The following EFCAB5 variants were observed in gnomAD, a reference collection of about 807,000 sequenced individuals.
EFCAB5 encodes the protein EF-hand calcium binding domain 5, also known as EF-hand calcium-binding domain-containing protein 5.
A neutral mutation model predicts 167.9 loss-of-function variants in EFCAB5; 131 were observed. That is an observed-to-expected ratio of 0.78 (90% CI 0.68 to 0.90). The LOEUF (loss-of-function observed/expected upper bound fraction) is 0.90, where lower values mean the gene tolerates loss of function less well. Among genes scored for constraint, EFCAB5 ranks in the 40% least tolerant of loss-of-function variants. EFCAB5 has a pLI of 0.00. For missense variants in EFCAB5, 1,663 were observed against 1,745.2 expected (o/e 0.95, Z 0.84); for synonymous variants, 574 against 602.8 (o/e 0.95, Z 0.70).
intron 9 of EFCAB5, among the ~76,000 whole-genome samples, chr17:30,052,187 CAG>C (rs1189677713): frequency 6.6e-6 from 1 of 151,826 alleles, no homozygotes; most frequent in Admixed American, 6.6e-5. Context: ...TTTTTTGAGA[CAG>C]AGTCTCGCTC....
chr17:29,962,234 G>A (rs1468358001), intron 3 of EFCAB5, among the ~76,000 whole-genome samples: 1 of 151,976 alleles, frequency 6.6e-6, no homozygotes, highest in African/African-American at 2.4e-5. Context: ...AAAGACTATT[G>A]GAATTTTGAT....
intron 22 of EFCAB5, among the ~76,000 whole-genome samples, chr17:30,102,126 A>G (rs570952951): frequency 6.7e-6 from 1 of 148,842 alleles, no homozygotes; most frequent in Non-Finnish European, 1.5e-5. Context: ...GTGTGCTGGT[A>G]GAAGTCTACG....
chr17:30,038,365 T>C (rs1246207731), intron 8 of EFCAB5, among the ~76,000 whole-genome samples: 4 of 152,204 alleles, frequency 2.6e-5, no homozygotes, highest in South Asian at 2.1e-4. Context: ...ACAGTAGATA[T>C]GTTTGTGGCA....
At chr17:29,985,690 G>T (rs2068266790) in intron 4 of EFCAB5, among the ~76,000 whole-genome samples, 1 of 152,212 alleles carries the variant, frequency 6.6e-6, no homozygotes, top group Non-Finnish European at 1.5e-5. Flanking sequence ...GATCGCTTAT[G>T]CTATTGTTTG....
chr17:30,103,195 TTAAAA>T (rs1201537439), intron 22 of EFCAB5, among the ~76,000 whole-genome samples: 1 of 148,970 alleles, frequency 6.7e-6, no homozygotes, highest in Non-Finnish European at 1.5e-5. Flanking sequence ...TTAAAATGTT[TTAAAA>T]TAAATAATTT....
chr17:29,969,137 AC>A lies in EFCAB5; in HGVS notation c.540del (p.Thr181ProfsTer2). ...CTGCATATTTGCTTGACAAACTTCT[AC>A]CCACCTTAGTTCCTGGAGTAGAAAA... ...NTAYLLDKLL[P>X]TLVPGVENML... On this transcript the variant is annotated frameshift_variant, in exon 4 of 23. Transcript: ENST00000394835. LOFTEE classifies it high-confidence loss of function. The A allele has an allele frequency of 1.2e-6, 2 of 1,613,862 alleles. No individual in the cohort carries two copies. The highest frequency in any genetic ancestry group is 1.7e-6 in the Non-Finnish European group (2 of 1,179,828).
intron 22 of EFCAB5, among the ~76,000 whole-genome samples, chr17:30,094,217 T>C (rs2071252246): frequency 1.3e-5 from 2 of 152,056 alleles, no homozygotes; most frequent in African/African-American, 4.8e-5. Flanking sequence ...CACCCCCACT[T>C]CATCCTAGTT....
At chr17:30,068,043 C>A (rs141231931) in intron 14 of EFCAB5, among the ~76,000 whole-genome samples, 1 of 152,202 alleles carries the variant, frequency 6.6e-6, no homozygotes, top group Non-Finnish European at 1.5e-5. Context: ...CGGTGGCTCA[C>A]GCCTGTAATC....
intron 7 of EFCAB5, among the ~76,000 whole-genome samples, chr17:30,022,650 GA>G (rs2151710075): frequency 6.6e-6 from 1 of 152,142 alleles, no homozygotes; most frequent in East Asian, 1.9e-4. Flanking sequence ...AGAACCTTAA[GA>G]ACAATGTTTT....
Position 30,059,673 on chromosome 17 carries a change from G to A in EFCAB5, c.2709G>A (p.Glu903=). The change falls in exon 14 of 23, where the codon GAG becomes GAA. Residue 903 remains glutamate, a synonymous_variant. Coordinates refer to ENST00000394835, the MANE Select transcript of EFCAB5 (RefSeq NM_198529.4). The part of the protein sequence containing the change: ...EVDELLYTYK[E]GMEKESMKKA... ...ATGAACTCTTGTACACATACAAGGA[G>A]GGAATGGAAAAAGAATCTATGAAGA... 1 of 1,594,202 alleles carries A rather than the reference G, an allele frequency of 6.3e-7. No homozygotes were observed. Among genetic ancestry groups the A allele is most frequent in the Non-Finnish European group, 8.6e-7 (1 of 1,168,742 alleles).
In EFCAB5 at chr17:30,078,256, G is replaced by T. The variant is rs767868545; in HGVS notation, c.2779G>T (p.Glu927Ter). 1.2e-6 allele frequency: 2 copies of T among 1,613,692 alleles called. No homozygotes were observed. The highest frequency in any genetic ancestry group is 2.7e-5 in the African/African-American group (2 of 74,892). ...IQFPKPHPGH[E>*]VRLSSKQFQN... is the part of the protein sequence containing the mutation. Reference sequence around the variant, plus strand: ...ATTTCCAAAGCCACACCCTGGTCACGAAGTGAGATTGTCTTCAAAACAATT... The same window carrying T: ...ATTTCCAAAGCCACACCCTGGTCACTAAGTGAGATTGTCTTCAAAACAATT... The change falls in exon 15 of 23, where the codon GAA (glutamate) becomes TAA (stop). Residue 927 changes from glutamate to a stop codon, truncating the protein, a stop_gained. Coordinates refer to ENST00000394835, the MANE Select transcript of EFCAB5 (RefSeq NM_198529.4). LOFTEE classifies it high-confidence loss of function.
intron 1 of EFCAB5, among the ~76,000 whole-genome samples, chr17:29,932,006 A>G (rs2067202380): frequency 6.6e-6 from 1 of 152,184 alleles, no homozygotes; most frequent in South Asian, 2.1e-4. Flanking sequence ...TCCAGCTCTA[A>G]AACCTTATGC....
intron 3 of EFCAB5, among the ~76,000 whole-genome samples, chr17:29,951,467 A>G (rs988121417): frequency 1.3e-5 from 2 of 151,632 alleles, no homozygotes; most frequent in African/African-American, 4.8e-5. Context: ...CCTCCCAAGT[A>G]GCTGGGACCA....
intron 7 of EFCAB5, among the ~76,000 whole-genome samples, chr17:30,013,062 A>G (rs1052319993): frequency 1.2e-4 from 18 of 152,104 alleles, no homozygotes; most frequent in Non-Finnish European, 2.1e-4. Context: ...TGACATAATC[A>G]TGTGGTTTTG....
rs887373262 is a variant in EFCAB5, at chr17:30,069,115, A to T, written c.2738-9100A>T. 3 of 1,506,880 alleles carry T rather than the reference A, an allele frequency of 2.0e-6. No individual in the cohort carries two copies. In the African/African-American group the frequency reaches 4.1e-5, roughly 21 times the overall value. 93.3% of individuals were successfully genotyped at this position (1,506,880 alleles called of 1,614,324 possible). A position where few individuals can be genotyped will look rare whatever the true frequency, so the allele number is the denominator to read the frequency against. ...CATCCGAGTTAAAAGAGTGGTGGAT[A>T]AGAAAAGAATATCTAAGCTGGAACC... On this transcript the variant is annotated intron_variant, in intron 14 of 22. Coordinates refer to ENST00000394835, the MANE Select transcript of EFCAB5 (RefSeq NM_198529.4).
intron 7 of EFCAB5, among the ~76,000 whole-genome samples, chr17:30,013,228 A>C (rs1293905780): frequency 1.3e-5 from 2 of 152,066 alleles, no homozygotes; most frequent in African/African-American, 4.8e-5. Flanking sequence ...GGATTTTCGC[A>C]TTGATGTTCA....
chr17:30,074,937 C>CTGTG (rs148311884), intron 14 of EFCAB5, among the ~76,000 whole-genome samples: 1 of 151,364 alleles, frequency 6.6e-6, no homozygotes, highest in Non-Finnish European at 1.5e-5. Flanking sequence ...GATGTAGAAA[C>CTGTG]TGTGTGTGTG....
In EFCAB5 at chr17:30,083,049, C is replaced by T. The variant is rs370970750; in HGVS notation, c.3579+6C>T. ...TAGAGCCTAGCCCAGCCCAGGTAGG[C>T]AAGGCTCAGTAGTGGTAGATCTCTC... is the stretch of plus-strand genomic sequence containing the variant. On this transcript the variant is annotated splice_donor_region_variant and intron_variant, in intron 18 of 22. Coordinates refer to ENST00000394835, the MANE Select transcript of EFCAB5 (RefSeq NM_198529.4). 4.3e-5 allele frequency: 70 copies of T among 1,613,384 alleles called. No homozygotes were observed. Among genetic ancestry groups the T allele is most frequent in the Non-Finnish European group, 5.3e-5 (62 of 1,179,564 alleles).
chr17:30,085,584 G>A (rs558710800), intron 18 of EFCAB5, among the ~76,000 whole-genome samples: 11 of 152,232 alleles, frequency 7.2e-5, no homozygotes, highest in East Asian at 3.9e-4. Flanking sequence ...AGCCGGGCGC[G>A]GTGGCGGGCG....
Sources: gnomAD v4.1 joint callset for allele counts (sites outside exome capture counted in the v4.1 genomes callset) on GRCh38, gnomAD v4.1.1 for gene constraint, MANE v1.5 for transcripts, NCBI Gene and HGNC (gene_info 2026-07-23, HGNC 2026-07-21) for gene names.